The following ZFPM2 variants were observed in gnomAD, a reference collection of about 807,000 sequenced individuals.
ZFPM2 encodes the protein zinc finger protein ZFPM2.
In ZFPM2, 20 loss-of-function variants were observed where a neutral mutation model predicts 98.6. The ratio of observed to expected loss-of-function variants is 0.20; its 90% CI spans 0.14 to 0.29. The LOEUF is 0.29. Ranked by LOEUF, ZFPM2 falls within the 10% of genes least tolerant of loss-of-function variation. The probability of loss-of-function intolerance (pLI) is 1.00; values close to 1 mark genes in which losing one functional copy is unlikely to be tolerated. For synonymous variants in ZFPM2, 518 were observed against 502.7 expected (o/e 1.03, Z -0.41); for missense variants, 1,310 against 1,388.6 (o/e 0.94, Z 0.90).
intron 5 of ZFPM2, among the ~76,000 whole-genome samples, chr8:105,665,052 G>A (rs560905713): frequency 8.2e-4 from 125 of 152,282 alleles, no homozygotes; most frequent in Non-Finnish European, 1.5e-3. Flanking sequence ...GGTTCTGGAG[G>A]CTGGGAAGTC....
intron 4 of ZFPM2, among the ~76,000 whole-genome samples, chr8:105,580,821 C>CTATATATATA (rs1246550089): frequency 4.8e-4 from 58 of 119,922 alleles, no homozygotes; most frequent in African/African-American, 1.7e-3. Context: ...CTCTCTCTCT[C>CTATATATATA]TCTCTCTATA....
At position 105,434,156 on chromosome 8, in the gene ZFPM2, A is replaced by G. The variant is rs116729022; in HGVS notation, c.200-10124A>G. ...AACCAGGATAGGAATCCACAAACAT[A>G]ATGGATCTATTCTTTTCAAACAGTT... On this transcript the variant is annotated intron_variant, in intron 2 of 7. Transcript: ENST00000407775. Among the ~76,000 whole-genome samples, 992 of 152,246 alleles carry G rather than the reference A, an allele frequency of 6.5e-3. 11 individuals carry two copies. Among genetic ancestry groups the G allele is most frequent in the African/African-American group, 0.023 (952 of 41,554 alleles).
At chr8:105,451,110 T>A (rs1412687621) in intron 3 of ZFPM2, among the ~76,000 whole-genome samples, 2 of 152,160 alleles carry the variant, frequency 1.3e-5, no homozygotes, top group Admixed American at 6.5e-5. Context: ...TGTGTAAGAA[T>A]GGGAACTAAG....
chr8:105,497,395 C>CA (rs1813495974), intron 3 of ZFPM2, among the ~76,000 whole-genome samples: 1 of 152,010 alleles, frequency 6.6e-6, no homozygotes, highest in Admixed American at 6.6e-5. Context: ...AATGCAAGAA[C>CA]AAAAACCTAA....
intron 4 of ZFPM2, among the ~76,000 whole-genome samples, chr8:105,592,400 C>T (rs1815869605): frequency 6.6e-6 from 1 of 152,062 alleles, no homozygotes. Context: ...CTTGAAACCC[C>T]AAAGTCTTTC....
intron 5 of ZFPM2, among the ~76,000 whole-genome samples, chr8:105,736,929 C>G (rs1334891051): frequency 6.6e-6 from 1 of 152,028 alleles, no homozygotes; most frequent in African/African-American, 2.4e-5. Flanking sequence ...ATGATAGCCA[C>G]TGATATTTCA....
intron 5 of ZFPM2, among the ~76,000 whole-genome samples, chr8:105,636,130 G>A (rs982239939): frequency 5.9e-5 from 9 of 151,970 alleles, no homozygotes; most frequent in African/African-American, 2.2e-4. Flanking sequence ...TTTCACTTGC[G>A]GCATCATGTT....
intron 4 of ZFPM2, among the ~76,000 whole-genome samples, chr8:105,565,045 T>G (rs1483205240): frequency 6.6e-6 from 1 of 152,170 alleles, no homozygotes; most frequent in Non-Finnish European, 1.5e-5. Context: ...TGATGTAATG[T>G]TACTCTGCTC....
chr8:105,745,407 C>G (rs1462736864), intron 5 of ZFPM2, among the ~76,000 whole-genome samples: 1 of 152,034 alleles, frequency 6.6e-6, no homozygotes, highest in Non-Finnish European at 1.5e-5. Context: ...TGTAACTGTA[C>G]TTAATCAGAG....
intron 5 of ZFPM2, among the ~76,000 whole-genome samples, chr8:105,645,793 C>T (rs1817030411): frequency 6.6e-6 from 1 of 152,054 alleles, no homozygotes; most frequent in African/African-American, 2.4e-5. Flanking sequence ...GTGGCTTATG[C>T]CTGTAATCCC....
chr8:105,391,765 T>C (rs1010806981), intron 1 of ZFPM2, among the ~76,000 whole-genome samples: 6 of 152,216 alleles, frequency 3.9e-5, no homozygotes, highest in African/African-American at 7.2e-5. Flanking sequence ...CTTTTAATTC[T>C]AGTTGTCTTG....
At chr8:105,349,951 A>G (rs1381230505) in intron 1 of ZFPM2, among the ~76,000 whole-genome samples, 1 of 152,184 alleles carries the variant, frequency 6.6e-6, no homozygotes, top group African/African-American at 2.4e-5. Context: ...ATTATACTAT[A>G]AGGCACTTGA....
At chr8:105,399,079 A>G (rs1345761528) in intron 1 of ZFPM2, among the ~76,000 whole-genome samples, 1 of 152,194 alleles carries the variant, frequency 6.6e-6, no homozygotes, top group Non-Finnish European at 1.5e-5. Flanking sequence ...TGATGTGCCA[A>G]GATCTCAGGG....
chr8:105,602,027 C>G (rs1816103136), intron 4 of ZFPM2, among the ~76,000 whole-genome samples: 1 of 152,046 alleles, frequency 6.6e-6, no homozygotes, highest in Non-Finnish European at 1.5e-5. Context: ...TCCTTCCTCT[C>G]ACGTCCAACT....
intron 5 of ZFPM2, among the ~76,000 whole-genome samples, chr8:105,700,038 T>G (rs1811106950): frequency 6.6e-6 from 1 of 152,206 alleles, no homozygotes; most frequent in Non-Finnish European, 1.5e-5. Flanking sequence ...AGGGCTTATA[T>G]TTGATCAACC....
chr8:105,538,804 GA>G (rs1379505973), intron 3 of ZFPM2, among the ~76,000 whole-genome samples: 1 of 152,066 alleles, frequency 6.6e-6, no homozygotes, highest in Non-Finnish European at 1.5e-5. Context: ...TTGAGCCCAG[GA>G]ATTTGAGACG....
chr8:105,409,915 C>G (rs539964813), intron 1 of ZFPM2, among the ~76,000 whole-genome samples: 3 of 151,774 alleles, frequency 2.0e-5, no homozygotes, highest in Admixed American at 1.3e-4. Context: ...CTTGGAGAAC[C>G]CTGTGGGCTG....
At chr8:105,597,874 A>G (rs1443874763) in intron 4 of ZFPM2, among the ~76,000 whole-genome samples, 1 of 152,048 alleles carries the variant, frequency 6.6e-6, no homozygotes, top group Non-Finnish European at 1.5e-5. Flanking sequence ...ATATAGGACT[A>G]TTAATTAGGA....
At chr8:105,783,210 G>GTTTTTTT (rs753557703) in intron 5 of ZFPM2, among the ~76,000 whole-genome samples, 26 of 88,940 alleles carry the variant, frequency 2.9e-4, no homozygotes, top group Middle Eastern at 8.9e-3. Context: ...TTTCTTTATG[G>GTTTTTTT]TTTTTTTTTT....
Sources: allele counts gnomAD v4.1 joint callset (sites outside exome capture counted in the v4.1 genomes callset), GRCh38; gene constraint gnomAD v4.1.1; transcripts MANE v1.5; gene names NCBI Gene and HGNC (gene_info 2026-07-23, HGNC 2026-07-21).